Variants in DLGAP2 observed in about 807,000 individuals in gnomAD.
DLGAP2 encodes disks large-associated protein 2.
Under a neutral mutation model 100.3 loss-of-function variants are expected in DLGAP2, and 26 were observed. That is an observed-to-expected ratio of 0.26 (90% CI 0.19 to 0.36). DLGAP2 has a LOEUF of 0.36. Among genes scored for constraint, DLGAP2 ranks in the 10% least tolerant of loss-of-function variants. The pLI, the probability that DLGAP2 is intolerant of heterozygous loss-of-function variation, is 1.00. For missense variants in DLGAP2, 1,858 were observed against 1,453.2 expected (o/e 1.28, Z -4.53); for synonymous variants, 886 against 630.1 (o/e 1.41, Z -6.08).
At chr8:878,468 G>C (rs752575065) in intron 1 of DLGAP2, among the ~76,000 whole-genome samples, 1 of 152,196 alleles carries the variant, frequency 6.6e-6, no homozygotes, top group Non-Finnish European at 1.5e-5. Flanking sequence ...GGGGACTGCA[G>C]AGCTATTGGG....
chr8:1,517,678 G>T (rs1159418326), intron 4 of DLGAP2, among the ~76,000 whole-genome samples: 2 of 152,218 alleles, frequency 1.3e-5, no homozygotes, highest in Non-Finnish European at 2.9e-5. Context: ...TTCTGGCTAG[G>T]AGAGCCCTGC....
At chr8:973,036 T>G (rs1240198916) in intron 2 of DLGAP2, among the ~76,000 whole-genome samples, 1 of 152,244 alleles carries the variant, frequency 6.6e-6, no homozygotes, top group Non-Finnish European at 1.5e-5. Flanking sequence ...AGACACAGCA[T>G]CAATCTGATT....
intron 3 of DLGAP2, among the ~76,000 whole-genome samples, chr8:1,421,944 C>T (rs866029152): frequency 2.0e-5 from 3 of 151,642 alleles, no homozygotes; most frequent in African/African-American, 4.9e-5. Flanking sequence ...CTAGCCTGGG[C>T]GACAAAGTGA....
At chr8:761,085 C>T (rs1278289521) in intron 1 of DLGAP2, among the ~76,000 whole-genome samples, 5 of 152,314 alleles carry the variant, frequency 3.3e-5, no homozygotes, top group African/African-American at 7.2e-5. Context: ...CTGAACCATT[C>T]GCTCTCTGCA....
intron 2 of DLGAP2, among the ~76,000 whole-genome samples, chr8:1,022,400 G>C (rs112003853): frequency 2.1e-4 from 32 of 149,782 alleles, no homozygotes; most frequent in African/African-American, 7.9e-4. Flanking sequence ...CCGTGCCAAG[G>C]TAGACGCTCC....
intron 2 of DLGAP2, among the ~76,000 whole-genome samples, chr8:1,079,551 C>T (rs765245613): frequency 1.2e-4 from 18 of 152,148 alleles, no homozygotes; most frequent in Non-Finnish European, 2.1e-4. Flanking sequence ...TTTGTGGTTT[C>T]GTCATACAGC....
At chr8:1,029,951 C>T (rs544088727) in intron 2 of DLGAP2, among the ~76,000 whole-genome samples, 2 of 152,176 alleles carry the variant, frequency 1.3e-5, no homozygotes, top group South Asian at 2.1e-4. Context: ...TGCAGAGACC[C>T]GGTTAAGGGA....
intron 2 of DLGAP2, among the ~76,000 whole-genome samples, chr8:1,118,228 T>G (rs943278237): frequency 1.3e-5 from 2 of 152,184 alleles, no homozygotes; most frequent in Non-Finnish European, 2.9e-5. Flanking sequence ...CTGAAGTCCC[T>G]TATGTAAGTA....
At chr8:1,184,551 T>C (rs1376770784) in intron 2 of DLGAP2, among the ~76,000 whole-genome samples, 1 of 152,208 alleles carries the variant, frequency 6.6e-6, no homozygotes, top group African/African-American at 2.4e-5. Context: ...CTGCGAATTC[T>C]AGTGACCACA....
chr8:800,684 A>G (rs1007579651), intron 1 of DLGAP2, among the ~76,000 whole-genome samples: 4 of 152,020 alleles, frequency 2.6e-5, no homozygotes, highest in African/African-American at 7.2e-5. Flanking sequence ...ATGTATGTGT[A>G]TGTGCATGTG....
At chr8:749,721 G>C (rs1332261501) in intron 1 of DLGAP2, among the ~76,000 whole-genome samples, 1 of 152,190 alleles carries the variant, frequency 6.6e-6, no homozygotes. Flanking sequence ...TAATGGGTGT[G>C]TTTAGTTTCC....
At chr8:1,142,569 C>G (rs1796540184) in intron 2 of DLGAP2, among the ~76,000 whole-genome samples, 1 of 152,150 alleles carries the variant, frequency 6.6e-6, no homozygotes, top group Non-Finnish European at 1.5e-5. Flanking sequence ...ACGTGAAGAG[C>G]TGAAAAGGGC....
At chr8:1,627,416 A>C (rs533950427) in intron 7 of DLGAP2, among the ~76,000 whole-genome samples, 1 of 152,162 alleles carries the variant, frequency 6.6e-6, no homozygotes, top group Non-Finnish European at 1.5e-5. Flanking sequence ...TGGTATTAAA[A>C]TCAGGTGCCT....
At chr8:745,178 T>A (rs1019951632) in intron 1 of DLGAP2, among the ~76,000 whole-genome samples, 1 of 152,254 alleles carries the variant, frequency 6.6e-6, no homozygotes, top group Non-Finnish European at 1.5e-5. Context: ...TATGAAACCT[T>A]TAGCTCTTTA....
At chr8:990,339 C>G (rs545508645) in intron 2 of DLGAP2, among the ~76,000 whole-genome samples, 7 of 143,380 alleles carry the variant, frequency 4.9e-5, no homozygotes, top group Admixed American at 2.7e-4. Context: ...CTCGGAGTTC[C>G]TGTTCTTCTC....
intron 1 of DLGAP2, among the ~76,000 whole-genome samples, chr8:837,023 A>G (rs191928164): frequency 6.6e-6 from 1 of 152,344 alleles, no homozygotes; most frequent in East Asian, 1.9e-4. Flanking sequence ...GGTTAGAAAC[A>G]CAGATTCTGG....
At chr8:898,171 G>C (rs1335012142) in intron 1 of DLGAP2, among the ~76,000 whole-genome samples, 1 of 152,212 alleles carries the variant, frequency 6.6e-6, no homozygotes, top group African/African-American at 2.4e-5. Flanking sequence ...GCTGAGGGCT[G>C]TTCTTGTCTG....
In DLGAP2 at chr8:1,140,546, C is replaced by T. The variant is rs150164399; in HGVS notation, c.74-118305C>T. Among the ~76,000 whole-genome samples, 37 of 152,308 alleles carry T rather than the reference C, an allele frequency of 2.4e-4. 1 individual carries two copies. Among genetic ancestry groups the T allele is most frequent in the African/African-American group, 7.7e-4 (32 of 41,568 alleles). On this transcript the variant is annotated intron_variant, in intron 2 of 14. Transcript: ENST00000637795. ...CCTCATCCTCCTTTCCCTCACTCAG[C>T]CGGGCTGGGAGCTGACTTATCAGAG...
In DLGAP2 at chr8:1,115,425, C is replaced by T. The variant is rs115382595; in HGVS notation, c.74-143426C>T. On this transcript the variant is annotated intron_variant, in intron 2 of 14. Coordinates refer to ENST00000637795, the MANE Select transcript of DLGAP2 (RefSeq NM_001346810.2). ...TTAGGCCTTCTTGTTGAATTGAACC[C>T]TTTACTGGGCATGTTTCTTAACCAC... 5.8e-3 allele frequency among the ~76,000 whole-genome samples: 878 copies of T among 152,258 alleles called. 7 individuals carry two copies. Among genetic ancestry groups the T allele is most frequent in the African/African-American group, 0.02 (833 of 41,536 alleles).
Sources: gnomAD v4.1 joint callset for allele counts (sites outside exome capture counted in the v4.1 genomes callset) on GRCh38, gnomAD v4.1.1 for gene constraint, MANE v1.5 for transcripts, NCBI Gene and HGNC (gene_info 2026-07-23, HGNC 2026-07-21) for gene names.